The following RNF180 variants were observed in gnomAD, a reference collection of about 807,000 sequenced individuals.
The protein encoded by RNF180 is ring finger protein 180.
Under a neutral mutation model 59.2 loss-of-function variants are expected in RNF180, and 38 were observed. The ratio of observed to expected loss-of-function variants is 0.64; its 90% CI spans 0.50 to 0.84. The LOEUF (loss-of-function observed/expected upper bound fraction) is 0.84. Ranked by LOEUF, RNF180 falls within the 40% of genes least tolerant of loss-of-function variation. The probability of loss-of-function intolerance (pLI) is 0.00; values close to 1 mark genes in which losing one functional copy is unlikely to be tolerated. For missense variants in RNF180, 705 were observed against 700.9 expected, an observed-to-expected ratio of 1.01 and a Z score of -0.07; for synonymous variants, 262 against 240.3, an observed-to-expected ratio of 1.09 and a Z score of -0.84.
At chr5:64,199,643 A>G (rs986007363) in intron 1 of RNF180, among the ~76,000 whole-genome samples, 7 of 152,228 alleles carry the variant, frequency 4.6e-5, no homozygotes, top group Admixed American at 1.3e-4. Flanking sequence ...GTAGCTTTCA[A>G]TAAGTGTTGG....
intron 5 of RNF180, among the ~76,000 whole-genome samples, chr5:64,264,539 G>A (rs1011955492): frequency 6.6e-6 from 1 of 152,102 alleles, no homozygotes; most frequent in East Asian, 1.9e-4. Context: ...CTTCATCCAT[G>A]TCCCTGCAAA....
chr5:64,353,776 C>T (rs368837408), intron 7 of RNF180, among the ~76,000 whole-genome samples: 60 of 151,784 alleles, frequency 4.0e-4, no homozygotes, highest in African/African-American at 1.3e-3. Context: ...AAAGTATCTT[C>T]GCTGACCGCA....
chr5:64,307,630 G>T (rs1396738372), intron 5 of RNF180, among the ~76,000 whole-genome samples: 1 of 151,652 alleles, frequency 6.6e-6, no homozygotes, highest in East Asian at 1.9e-4. Context: ...AGTCAAAAAT[G>T]TATTTAATAC....
chr5:64,237,495 C>T (rs1248304910), intron 5 of RNF180, among the ~76,000 whole-genome samples: 1 of 152,008 alleles, frequency 6.6e-6, no homozygotes, highest in Non-Finnish European at 1.5e-5. Flanking sequence ...AGGGACTTGC[C>T]TTGTCTCAGA....
intron 7 of RNF180, among the ~76,000 whole-genome samples, chr5:64,357,670 A>C (rs1391154208): frequency 6.6e-6 from 1 of 151,878 alleles, no homozygotes; most frequent in South Asian, 2.1e-4. Flanking sequence ...GCACAACACA[A>C]CCTACCAAAA....
intron 4 of RNF180, among the ~76,000 whole-genome samples, chr5:64,215,988 TG>T (rs957908740): frequency 6.0e-5 from 9 of 150,368 alleles, no homozygotes; most frequent in African/African-American, 2.2e-4. Flanking sequence ...AAAGTTAATG[TG>T]TTTTTTTTTT....
intron 7 of RNF180, among the ~76,000 whole-genome samples, chr5:64,348,039 A>T (rs185179174): frequency 6.6e-6 from 1 of 152,218 alleles, no homozygotes; most frequent in East Asian, 1.9e-4. Flanking sequence ...TTATAGTATC[A>T]CTTAAAATAT....
At chr5:64,178,531 T>C (rs930326682) in intron 1 of RNF180, among the ~76,000 whole-genome samples, 11 of 152,232 alleles carry the variant, frequency 7.2e-5, no homozygotes, top group African/African-American at 2.7e-4. Flanking sequence ...TTATGCCTGT[T>C]TGTGCTGTTT....
intron 5 of RNF180, among the ~76,000 whole-genome samples, chr5:64,277,729 A>T (rs1239365199): frequency 6.6e-6 from 1 of 152,176 alleles, no homozygotes. Flanking sequence ...GACTGACACA[A>T]ATGGAAATAC....
chr5:64,236,593 A>T (rs1244714410), intron 5 of RNF180, among the ~76,000 whole-genome samples: 2 of 152,188 alleles, frequency 1.3e-5, no homozygotes, highest in African/African-American at 4.8e-5. Flanking sequence ...TAATGAGAAG[A>T]TGAATATTAA....
At chr5:64,187,315 T>C (rs549691474) in intron 1 of RNF180, among the ~76,000 whole-genome samples, 1 of 152,304 alleles carries the variant, frequency 6.6e-6, no homozygotes, top group African/African-American at 2.4e-5. Context: ...AGGTTGTTTA[T>C]TATGCATTGC....
chr5:64,177,526 C>CATATATATATATATATAT (rs58046669), intron 1 of RNF180, among the ~76,000 whole-genome samples: 8 of 105,236 alleles, frequency 7.6e-5, no homozygotes, highest in Non-Finnish European at 1.2e-4. Context: ...TAAATTATGC[C>CATATATATATATATATAT]ATATATATAT....
At chr5:64,364,547 G>T (rs1746375500) in intron 7 of RNF180, among the ~76,000 whole-genome samples, 1 of 151,560 alleles carries the variant, frequency 6.6e-6, no homozygotes, top group African/African-American at 2.4e-5. Flanking sequence ...TTTTGTTCTT[G>T]TGTCTCTGCA....
intron 5 of RNF180, among the ~76,000 whole-genome samples, chr5:64,277,639 G>T (rs1007301331): frequency 3.9e-5 from 6 of 152,116 alleles, no homozygotes; most frequent in Non-Finnish European, 1.5e-5. Context: ...AAGTGTAGTA[G>T]TTTCTGCAGT....
intron 5 of RNF180, among the ~76,000 whole-genome samples, chr5:64,305,542 C>T (rs1179861629): frequency 1.3e-5 from 2 of 151,454 alleles, no homozygotes; most frequent in East Asian, 3.9e-4. Flanking sequence ...GACAGTTTTA[C>T]CATATGCGTC....
intron 1 of RNF180, among the ~76,000 whole-genome samples, chr5:64,173,810 G>T (rs1750078649): frequency 6.6e-6 from 1 of 151,596 alleles, no homozygotes; most frequent in South Asian, 2.1e-4. Context: ...CTGCCTCCCG[G>T]GTTCAAGTGA....
At chr5:64,223,873 G>A (rs757647758) in intron 5 of RNF180, among the ~76,000 whole-genome samples, 1 of 152,068 alleles carries the variant, frequency 6.6e-6, no homozygotes, top group African/African-American at 2.4e-5. Context: ...GGGGAGACAC[G>A]TGAATTTCAG....
chr5:64,289,691 G>C (rs1187002575), intron 5 of RNF180, among the ~76,000 whole-genome samples: 1 of 152,052 alleles, frequency 6.6e-6, no homozygotes, highest in Non-Finnish European at 1.5e-5. Flanking sequence ...GGTATTTATA[G>C]TATTCTCTGT....
intron 5 of RNF180, among the ~76,000 whole-genome samples, chr5:64,300,520 A>G (rs553969527): frequency 6.6e-6 from 1 of 151,798 alleles, no homozygotes; most frequent in Non-Finnish European, 1.5e-5. Flanking sequence ...TTACTTCTTC[A>G]TAAATCATGG....
Sources: gnomAD v4.1 joint callset for allele counts (sites outside exome capture counted in the v4.1 genomes callset) on GRCh38, gnomAD v4.1.1 for gene constraint, MANE v1.5 for transcripts, NCBI Gene and HGNC (gene_info 2026-07-23, HGNC 2026-07-21) for gene names.